Variants in ERICH1 observed in about 807,000 individuals in gnomAD.
The protein encoded by ERICH1 is glutamate-rich protein 1.
In ERICH1, 56 loss-of-function variants were observed where a neutral mutation model predicts 39.6. The ratio of observed to expected loss-of-function variants is 1.41; its 90% CI spans 1.14 to 1.77. The LOEUF (loss-of-function observed/expected upper bound fraction) is 1.77, where lower values mean the gene tolerates loss of function less well. Among genes scored for constraint, ERICH1 ranks in the 40% most tolerant of loss-of-function variants. The probability of loss-of-function intolerance (pLI) is 0.00; values close to 1 mark genes in which losing one functional copy is unlikely to be tolerated. For synonymous variants in ERICH1, 313 were observed against 223.6 expected, an observed-to-expected ratio of 1.40 and a Z score of -3.57; for missense variants, 826 against 575.4, an observed-to-expected ratio of 1.44 and a Z score of -4.45.
At chr8:668,329 CTT>C (rs1281551388) in intron 5 of ERICH1, 21 of 506,458 alleles carry the variant, frequency 4.1e-5, no homozygotes, top group Non-Finnish European at 6.7e-5. Context: ...TCTATTTAAA[CTT>C]AGGAAAATTT....
chr8:668,953 C>A, intron 4 of ERICH1, 161 bp from the exon 5 acceptor site: 1 of 689,560 alleles, frequency 1.5e-6, no homozygotes, highest in Non-Finnish European at 2.4e-6. Flanking sequence ...CAGAACAGAG[C>A]TCAGCACAAA....
At chr8:616,609 G>A (rs1204239345) in intron 3 of ERICH1, 1 of 455,512 alleles carries the variant, frequency 2.2e-6, no homozygotes, top group Non-Finnish European at 4.4e-6. Flanking sequence ...GAGAATAAGA[G>A]TGAGTGGGGA....
intron 2 of ERICH1, among the ~76,000 whole-genome samples, chr8:710,647 T>G (rs2132297398): frequency 6.6e-6 from 1 of 152,336 alleles, no homozygotes; most frequent in African/African-American, 2.4e-5. Context: ...TTCAGATCGG[T>G]TTCTTTCACT....
intron 3 of ERICH1, among the ~76,000 whole-genome samples, chr8:645,509 C>T (rs531139206): frequency 3.9e-5 from 1 of 25,640 alleles, no homozygotes; most frequent in African/African-American, 1.4e-4. Flanking sequence ...CTGTCCCCCC[C>T]AAACCTCATC....
intron 3 of ERICH1, among the ~76,000 whole-genome samples, chr8:674,655 TG>T (rs538496195): frequency 2.0e-5 from 3 of 152,132 alleles, no homozygotes; most frequent in Admixed American, 6.5e-5. Context: ...TTTCCCTCTA[TG>T]GGGGGGAAAC....
At chr8:635,407 C>T (rs913596682) in intron 3 of ERICH1, among the ~76,000 whole-genome samples, 2 of 152,208 alleles carry the variant, frequency 1.3e-5, no homozygotes, top group Admixed American at 6.5e-5. Flanking sequence ...CAGGGCTCAT[C>T]ACCACTAACA....
intron 1 of ERICH1, among the ~76,000 whole-genome samples, chr8:718,890 T>C (rs1171260163): frequency 6.6e-6 from 1 of 152,156 alleles, no homozygotes; most frequent in African/African-American, 2.4e-5. Flanking sequence ...TGCAGACCCA[T>C]GTGTTGTGCG....
intron 2 of ERICH1, among the ~76,000 whole-genome samples, chr8:709,374 T>TG (rs1325335804): frequency 1.3e-5 from 2 of 152,176 alleles, no homozygotes; most frequent in African/African-American, 4.8e-5. Flanking sequence ...ACCCTCACCC[T>TG]GGGGGGTTCA....
intron 1 of ERICH1, among the ~76,000 whole-genome samples, chr8:717,703 G>A (rs1475482082): frequency 6.6e-6 from 1 of 152,246 alleles, no homozygotes; most frequent in Non-Finnish European, 1.5e-5. Context: ...CAGAGCTAAA[G>A]CCTTGCTGGG....
At chr8:705,998 C>T (rs1456287851) in intron 2 of ERICH1, among the ~76,000 whole-genome samples, 1 of 152,168 alleles carries the variant, frequency 6.6e-6, no homozygotes, top group African/African-American at 2.4e-5. Context: ...TTCACCGCAC[C>T]TTCTTAATGT....
intron 3 of ERICH1, chr8:626,239 G>C (rs1797588780): frequency 6.6e-6 from 1 of 152,160 alleles, no homozygotes; most frequent in African/African-American, 2.4e-5. Context: ...AGTTAGGCCT[G>C]AGTCTACTTG....
downstream of ERICH1, among the ~76,000 whole-genome samples, chr8:663,156 C>T: frequency 6.6e-6 from 1 of 152,254 alleles, no homozygotes; most frequent in East Asian, 1.9e-4. Flanking sequence ...TCACCTGCTT[C>T]CAGAAGGTTC....
Position 731,148 on chromosome 8 carries a change from C to G in ERICH1, c.14G>C (p.Arg5Thr). ...GCACCGCACCCACCTACCGTGCTTCCTGTGCGCCGCCATGCGGGACCCTGC... is the reference window on the plus strand; with the variant it reads ...GCACCGCACCCACCTACCGTGCTTCGTGTGCGCCGCCATGCGGGACCCTGC... MAAH[R>T]KHVFVEKVLQ... Residue 5 changes from arginine to threonine, a missense_variant, in exon 1 of 6, where the codon AGG becomes ACG. Transcript: ENST00000262109. 6.6e-7 allele frequency: 1 copy of G among 1,519,562 alleles called. No individual in the cohort carries two copies. The highest frequency in any genetic ancestry group is 2.7e-5 in the East Asian group (1 of 37,168). The allele number at this position is 1,519,562 out of a possible 1,614,324, so 94.1% of individuals were successfully genotyped here. A position where few individuals can be genotyped will look rare whatever the true frequency, so the allele number is the denominator to read the frequency against.
At chr8:704,198 A>G (rs981831947) in intron 2 of ERICH1, among the ~76,000 whole-genome samples, 5 of 152,318 alleles carry the variant, frequency 3.3e-5, no homozygotes, top group African/African-American at 1.2e-4. Flanking sequence ...TCTCCCAAAA[A>G]CCATTTTTCA....
chr8:631,209 G>C (rs1165275623), intron 3 of ERICH1, among the ~76,000 whole-genome samples: 1 of 152,276 alleles, frequency 6.6e-6, no homozygotes, highest in Non-Finnish European at 1.5e-5. Context: ...AGGGGTGCCT[G>C]CGCCATCCTC....
At chr8:637,640 G>A (rs1413458985) in intron 3 of ERICH1, 1 of 152,364 alleles carries the variant, frequency 6.6e-6, no homozygotes, top group Non-Finnish European at 1.5e-5. Flanking sequence ...GGGGTGCTCA[G>A]CTGTGAGGAT....
At chr8:627,892 C>T (rs974169677) in intron 3 of ERICH1, among the ~76,000 whole-genome samples, 2 of 152,180 alleles carry the variant, frequency 1.3e-5, no homozygotes, top group Non-Finnish European at 2.9e-5. Context: ...ATCCCAGCTG[C>T]CTCCCCTAGT....
At chr8:730,883 G>C (rs1333672748) in intron 1 of ERICH1, among the ~76,000 whole-genome samples, 3 of 152,206 alleles carry the variant, frequency 2.0e-5, no homozygotes, top group African/African-American at 7.2e-5. Context: ...CCTCCGCCCA[G>C]GACCCCAGAC....
chr8:643,874 T>C (rs1440988599), intron 3 of ERICH1, among the ~76,000 whole-genome samples: 2 of 152,178 alleles, frequency 1.3e-5, no homozygotes, highest in East Asian at 1.9e-4. Flanking sequence ...AATGATAAGA[T>C]GTGTGACCGA....
Sources: allele counts gnomAD v4.1 joint callset (sites outside exome capture counted in the v4.1 genomes callset), GRCh38; gene constraint gnomAD v4.1.1; transcripts MANE v1.5; gene names NCBI Gene and HGNC (gene_info 2026-07-23, HGNC 2026-07-21).